Variants in ST14 observed in about 807,000 individuals in gnomAD.
The protein encoded by ST14 is ST14 transmembrane serine protease matriptase.
Under a neutral mutation model 96.5 loss-of-function variants are expected in ST14, and 40 were observed. The observed-to-expected ratio is 0.41, with a 90% CI of 0.32 to 0.54. The LOEUF is 0.54. ST14 is among the 20% of genes least tolerant of loss of function. The pLI is 0.17. For synonymous variants in ST14, 506 were observed against 492.1 expected (o/e 1.03, Z -0.37); for missense variants, 1,066 against 1,188.9 (o/e 0.90, Z 1.52).
chr11:130,174,989 C>T (rs1004336190), intron 1 of ST14, among the ~76,000 whole-genome samples: 1 of 152,184 alleles, frequency 6.6e-6, no homozygotes, highest in South Asian at 2.1e-4. Flanking sequence ...GATAATTACG[C>T]GTCTAGTATA....
At chr11:130,184,896 G>A (rs1490513070) in intron 1 of ST14, among the ~76,000 whole-genome samples, 1 of 152,132 alleles carries the variant, frequency 6.6e-6, no homozygotes, top group African/African-American at 2.4e-5. Flanking sequence ...TTATTCTCTG[G>A]AGCAATGGAA....
chr11:130,166,114 C>T (rs979144274), intron 1 of ST14, among the ~76,000 whole-genome samples: 15 of 152,250 alleles, frequency 9.9e-5, no homozygotes, highest in African/African-American at 3.6e-4. Context: ...ACCAGGAGCA[C>T]AGCTGGAGTT....
At chr11:130,193,035 A>T (rs974338213) in intron 7 of ST14, among the ~76,000 whole-genome samples, 2 of 151,984 alleles carry the variant, frequency 1.3e-5, no homozygotes, top group African/African-American at 4.8e-5. Context: ...AATAGTATCT[A>T]CTTCATAGAG....
intron 16 of ST14, among the ~76,000 whole-genome samples, chr11:130,207,372 G>A (rs117455141): frequency 0.028 from 4,248 of 152,192 alleles, 156 homozygotes; most frequent in East Asian, 0.16. Context: ...CTAACATGGC[G>A]AAACCCCGTT....
chr11:130,187,992 C>T lies in ST14; in HGVS notation c.82-122C>T. 1.4e-6 allele frequency: 2 copies of T among 1,400,090 alleles called. No homozygotes were observed. Among genetic ancestry groups the T allele is most frequent in the Non-Finnish European group, 2.0e-6 (2 of 1,024,088 alleles). The allele number at this position is 1,400,090 out of a possible 1,614,324, so 86.7% of individuals were successfully genotyped here. A position where few individuals can be genotyped will look rare whatever the true frequency, so the allele number is the denominator to read the frequency against. Reference sequence around the variant, plus strand: ...TGCCTCTGGGGGAAGCCCCCTTCTTCTCACCCAAGCCCCTGCTTTCTTCTC... The same window carrying T: ...TGCCTCTGGGGGAAGCCCCCTTCTTTTCACCCAAGCCCCTGCTTTCTTCTC... On this transcript the variant is annotated intron_variant, in intron 1 of 18. Transcript: ENST00000278742. This position sits in a 1 kb window ranked among gnomAD's most constrained non-coding sequence, Gnocchi z 4.5.
At chr11:130,161,938 C>T (rs1953001772) in intron 1 of ST14, among the ~76,000 whole-genome samples, 1 of 152,212 alleles carries the variant, frequency 6.6e-6, no homozygotes, top group African/African-American at 2.4e-5. Context: ...TTGGCCAAAG[C>T]TCATTTCCAT....
Position 130,199,938 on chromosome 11 carries a change from G to T in ST14, c.1808-13G>T, listed in dbSNP as rs371389343. On this transcript the variant is annotated splice_polypyrimidine_tract_variant and intron_variant, in intron 15 of 18. Transcript: ENST00000278742. ...TTGACTTGCTGTCCTCTGGTTCTCTGCTCCCTCTGCAGACTGTGGGCTGCG... is the reference window on the plus strand; with the variant it reads ...TTGACTTGCTGTCCTCTGGTTCTCTTCTCCCTCTGCAGACTGTGGGCTGCG... 135 of 1,613,932 alleles carry T rather than the reference G, an allele frequency of 8.4e-5. No homozygotes were observed. Among genetic ancestry groups the T allele is most frequent in the Non-Finnish European group, 1.1e-4 (132 of 1,179,988 alleles).
rs1023617435 is a variant in ST14, at chr11:130,197,962, G to A, written c.1459+17G>A. On this transcript the variant is annotated intron_variant, in intron 12 of 18. Coordinates refer to ENST00000278742, the MANE Select transcript of ST14 (RefSeq NM_021978.4). ...TCAACTGCAGTGAGTCAGGCTGGGAGCCCCGGTCTCCCCACCCTCCTTCCC... is the reference window on the plus strand; with the variant it reads ...TCAACTGCAGTGAGTCAGGCTGGGAACCCCGGTCTCCCCACCCTCCTTCCC... 1.3e-6 allele frequency: 2 copies of A among 1,558,694 alleles called. No homozygotes were observed. Among genetic ancestry groups the A allele is most frequent in the Non-Finnish European group, 1.7e-6 (2 of 1,154,408 alleles).
rs908989415 is a variant in ST14 at position 130,164,805 on chromosome 11, T to C, written c.81+4745T>C. Among the ~76,000 whole-genome samples the C allele has an allele frequency of 9.2e-5, 14 of 151,628 alleles. No individual in the cohort carries two copies. The East Asian group carries it at 2.7e-3, about 29-fold the overall frequency. Reference sequence around the variant, plus strand: ...CCAGCTGGAGTGCAATGGTGTGATCTCAGCTCACCACAACCTCCGCCTCCT... The same window carrying C: ...CCAGCTGGAGTGCAATGGTGTGATCCCAGCTCACCACAACCTCCGCCTCCT... On this transcript the variant is annotated intron_variant, in intron 1 of 18. Transcript: ENST00000278742.
At chr11:130,198,141 G>C (rs1222287332) in intron 12 of ST14, among the ~76,000 whole-genome samples, 167 bp from the exon 13 acceptor site, 1 of 152,232 alleles carries the variant, frequency 6.6e-6, no homozygotes, top group Non-Finnish European at 1.5e-5. Flanking sequence ...CAGGTGGTGG[G>C]GTATCTCGGA....
intron 5 of ST14, 41 bp downstream of exon 5, chr11:130,189,937 C>T (rs1204846791): frequency 6.2e-7 from 1 of 1,613,448 alleles, no homozygotes; most frequent in Non-Finnish European, 8.5e-7. Context: ...ACTGGCCAGC[C>T]TTCCATGGAG....
intron 16 of ST14, among the ~76,000 whole-genome samples, chr11:130,201,549 C>T (rs947662306): frequency 2.0e-5 from 3 of 152,232 alleles, no homozygotes; most frequent in Non-Finnish European, 2.9e-5. Context: ...GTTCCATGGT[C>T]CCCAGCTTCG....
At chr11:130,189,010 T>G in intron 4 of ST14, 71 bp downstream of exon 4, 1 of 1,505,928 alleles carries the variant, frequency 6.6e-7, no homozygotes, top group Non-Finnish European at 9.1e-7. Context: ...GTACAGTGTG[T>G]GGGGCAGGAA....
chr11:130,191,642 A>T (rs564667002), intron 7 of ST14, among the ~76,000 whole-genome samples: 1 of 149,578 alleles, frequency 6.7e-6, no homozygotes, highest in South Asian at 2.1e-4. Flanking sequence ...GTGAGCCGAG[A>T]TCGTACCACT....
chr11:130,184,974 T>C (rs535542542), intron 1 of ST14, among the ~76,000 whole-genome samples: 27 of 152,270 alleles, frequency 1.8e-4, no homozygotes, highest in Admixed American at 6.5e-4. Context: ...GTTTAGCCAC[T>C]CACTTGTGTC....
chr11:130,199,891 C>T (rs1953409335), intron 15 of ST14, 60 bp from the exon 16 acceptor site: 6 of 1,604,346 alleles, frequency 3.7e-6, no homozygotes, highest in South Asian at 3.3e-5. Flanking sequence ...TGCATGTCCC[C>T]TTGTGGTTTG....
chr11:130,164,938 T>C (rs1175996950), intron 1 of ST14, among the ~76,000 whole-genome samples: 1 of 151,960 alleles, frequency 6.6e-6, no homozygotes, highest in Admixed American at 6.6e-5. Flanking sequence ...GGTTTCTCCA[T>C]GTTGGTCAGG....
chr11:130,196,174 C>A (rs1234259830), intron 9 of ST14, among the ~76,000 whole-genome samples, 165 bp from the exon 10 acceptor site: 1 of 151,556 alleles, frequency 6.6e-6, no homozygotes, highest in Non-Finnish European at 1.5e-5. Flanking sequence ...AACAAACAAA[C>A]AAACAAACAA....
rs1953244354 is a variant in ST14 at position 130,187,074 on chromosome 11, G to A, written c.82-1040G>A. On this transcript the variant is annotated intron_variant, in intron 1 of 18. Coordinates refer to ENST00000278742, the MANE Select transcript of ST14 (RefSeq NM_021978.4). The surrounding 1 kb of genome is among the most constrained non-coding windows in gnomAD (Gnocchi z 4.5). ...CATATCAGCTTAAATTTACACTGTC[G>A]AATTACGAGATCACCACCAGAAGAA... is the stretch of plus-strand genomic sequence containing the variant. Among the ~76,000 whole-genome samples, 1 of 152,116 alleles carries A rather than the reference G, an allele frequency of 6.6e-6. No homozygotes were observed. Among genetic ancestry groups the A allele is most frequent in the African/African-American group, 2.4e-5 (1 of 41,410 alleles).
Sources: gnomAD v4.1 joint callset for allele counts (sites outside exome capture counted in the v4.1 genomes callset) on GRCh38, gnomAD v4.1.1 for gene constraint, Gnocchi (gnomAD v3.1) non-coding constraint, MANE v1.5 for transcripts, NCBI Gene and HGNC (gene_info 2026-07-23, HGNC 2026-07-21) for gene names.